The following EGFR variants were observed in gnomAD, a reference collection of about 807,000 sequenced individuals.
EGFR encodes epidermal growth factor receptor.
A neutral mutation model predicts 143.0 loss-of-function variants in EGFR; 58 were observed. The observed-to-expected ratio is 0.41, with a 90% CI of 0.33 to 0.50. The LOEUF is 0.50. Ranked by LOEUF, EGFR falls within the 20% of genes least tolerant of loss-of-function variation. The pLI is 0.39. For synonymous variants in EGFR, 613 were observed against 594.4 expected, an observed-to-expected ratio of 1.03 and a Z score of -0.45; for missense variants, 1,307 against 1,579.0, an observed-to-expected ratio of 0.83 and a Z score of 2.92.
chr7:55,193,084 G>A (rs1442878964), intron 22 of EGFR, among the ~76,000 whole-genome samples: 1 of 152,048 alleles, frequency 6.6e-6, no homozygotes, highest in African/African-American at 2.4e-5. Context: ...GGGGGGTATG[G>A]GAGGGAAAGA....
rs41396448 is a variant in EGFR at position 55,198,763 on chromosome 7, C to T, written c.2748C>T (p.Asp916=). 734 of 1,614,120 alleles carry T rather than the reference C, an allele frequency of 4.5e-4. 2 individuals are homozygous for T. The highest frequency in any genetic ancestry group is 2.5e-3 in the Middle Eastern group (15 of 6,062). The change falls in exon 23 of 28, where the codon GAC becomes GAT. Residue 916 remains aspartate (D), a synonymous_variant. Coordinates refer to ENST00000275493, the MANE Select transcript of EGFR (RefSeq NM_005228.5). ...ELMTFGSKPY[D]GIPASEISSI... ...TGACCTTTGGATCCAAGCCATATGA[C>T]GGAATCCCTGCCAGCGAGATCTCCT...
rs2128958596 is a variant in EGFR at position 55,181,362 on chromosome 7, A to G, written c.2353A>G (p.Thr785Ala). ...CCTGCTGGGCATCTGCCTCACCTCC[A>G]CCGTGCAGCTCATCACGCAGCTCAT... ...CRLLGICLTSTVQLITQLMPF... is the reference protein window; with the variant it reads ...CRLLGICLTSAVQLITQLMPF... The change falls in exon 20 of 28, where the codon ACC (threonine) becomes GCC (alanine). Residue 785 changes from threonine (T) to alanine (A), a missense_variant. By Grantham distance (58) the Thr-to-Ala change is moderately conservative. Around this residue, in one of 7 missense-constraint regions of EGFR, gnomAD observed 348 missense variants for 451.5 expected, o/e 0.77. Coordinates refer to ENST00000275493, the MANE Select transcript of EGFR (RefSeq NM_005228.5). The G allele has an allele frequency of 6.2e-7, 1 of 1,614,080 alleles. No individual in the cohort carries two copies. Among genetic ancestry groups the G allele is most frequent in the Admixed American group, 1.7e-5 (1 of 60,028 alleles).
At chr7:55,111,120 A>G (rs941413025) in intron 1 of EGFR, among the ~76,000 whole-genome samples, 1 of 152,188 alleles carries the variant, frequency 6.6e-6, no homozygotes, top group Admixed American at 6.5e-5. Context: ...CACTCTTCCC[A>G]AGAAACCCTG....
chr7:55,020,544 A>T (rs1363517005), intron 1 of EGFR, among the ~76,000 whole-genome samples: 2 of 145,292 alleles, frequency 1.4e-5, no homozygotes, highest in African/African-American at 5.1e-5. Flanking sequence ...GCCAACCAAA[A>T]TATTAAACCT....
chr7:55,150,159 C>T (rs533235282), intron 4 of EGFR, among the ~76,000 whole-genome samples: 14 of 152,280 alleles, frequency 9.2e-5, no homozygotes, highest in Non-Finnish European at 1.9e-4. Context: ...TTATTTTATA[C>T]AATGATTACA....
chr7:55,124,888 GCCATC>G (rs1451625153), intron 1 of EGFR, among the ~76,000 whole-genome samples: 1 of 152,212 alleles, frequency 6.6e-6, no homozygotes, highest in African/African-American at 2.4e-5. Context: ...CTGTAGCTAA[GCCATC>G]CCCAAGTTTG....
rs1788178380 is a variant in EGFR, at chr7:55,209,062, T to C, written c.*3445T>C. ...TTGCACTTGTGTAGGATGAAGCTGGTGGGTGATGGGAACTCAGCACCTCCC... is the reference window on the plus strand; with the variant it reads ...TTGCACTTGTGTAGGATGAAGCTGGCGGGTGATGGGAACTCAGCACCTCCC... On this transcript the variant is annotated 3_prime_UTR_variant, in exon 28 of 28. Coordinates refer to ENST00000275493, the MANE Select transcript of EGFR (RefSeq NM_005228.5). The C allele has an allele frequency of 6.6e-6, 1 of 152,020 alleles. No homozygotes were observed. The highest frequency in any genetic ancestry group is 6.6e-5 in the Admixed American group (1 of 15,266). 9.4% of individuals were successfully genotyped at this position (152,020 alleles called of 1,614,324 possible).
At chr7:55,109,777 G>T (rs1792354185) in intron 1 of EGFR, 1 of 985,384 alleles carries the variant, frequency 1.0e-6, no homozygotes, top group African/African-American at 1.7e-5. Flanking sequence ...GGGCCTGTCT[G>T]GTGTTTCAGC....
intron 18 of EGFR, among the ~76,000 whole-genome samples, chr7:55,174,454 A>T (rs1364774408): frequency 6.6e-6 from 1 of 152,148 alleles, no homozygotes; most frequent in Non-Finnish European, 1.5e-5. Flanking sequence ...TAAATTCTGG[A>T]TGAAATGATC....
At chr7:55,194,459 C>T (rs1171896501) in intron 22 of EGFR, among the ~76,000 whole-genome samples, 3 of 152,124 alleles carry the variant, frequency 2.0e-5, no homozygotes, top group East Asian at 1.9e-4. Flanking sequence ...AACTCCTGAC[C>T]TCATGATCTG....
chr7:55,196,162 A>G (rs1015070228), intron 22 of EGFR, among the ~76,000 whole-genome samples: 2 of 78,028 alleles, frequency 2.6e-5, no homozygotes, highest in African/African-American at 6.4e-5. Flanking sequence ...CCACAACCTC[A>G]CCAGCATGTG....
chr7:55,179,483 G>T (rs1371690378), intron 19 of EGFR, among the ~76,000 whole-genome samples: 1 of 152,188 alleles, frequency 6.6e-6, no homozygotes. Context: ...GGAGGAGGTG[G>T]GTTCTGGGGA....
At chr7:55,054,716 G>A (rs1562673202) in intron 1 of EGFR, among the ~76,000 whole-genome samples, 1 of 152,196 alleles carries the variant, frequency 6.6e-6, no homozygotes, top group African/African-American at 2.4e-5. Flanking sequence ...TGGACCCCTT[G>A]CGGGGCAGTG....
intron 1 of EGFR, among the ~76,000 whole-genome samples, chr7:55,049,069 C>T (rs1049093983): frequency 2.0e-5 from 3 of 152,136 alleles, no homozygotes; most frequent in Admixed American, 2.0e-4. Flanking sequence ...TAAATGGAAA[C>T]GCACATTTAG....
chr7:55,178,001 A>T (rs1185904335), intron 19 of EGFR, among the ~76,000 whole-genome samples: 1 of 152,050 alleles, frequency 6.6e-6, no homozygotes, highest in Non-Finnish European at 1.5e-5. Flanking sequence ...GGTCTATCAG[A>T]TGTTAGTAGG....
chr7:55,178,753 C>T (rs762229570), intron 19 of EGFR, among the ~76,000 whole-genome samples: 8 of 152,160 alleles, frequency 5.3e-5, no homozygotes, highest in Non-Finnish European at 1.2e-4. Flanking sequence ...AAAATTGTGG[C>T]ATTATCTTTA....
At chr7:55,019,902 G>C (rs1786433012) in intron 1 of EGFR, among the ~76,000 whole-genome samples, 1 of 152,124 alleles carries the variant, frequency 6.6e-6, no homozygotes, top group South Asian at 2.1e-4. Flanking sequence ...GGGACAGGCG[G>C]CTTTCTGAGA....
intron 1 of EGFR, among the ~76,000 whole-genome samples, chr7:55,036,300 A>T (rs1787581018): frequency 8.0e-6 from 1 of 124,664 alleles, no homozygotes; most frequent in South Asian, 2.7e-4. Context: ...GTGTGTGTGT[A>T]CCACTCTACC....
At chr7:55,041,300 A>G (rs1355909668) in intron 1 of EGFR, among the ~76,000 whole-genome samples, 1 of 152,154 alleles carries the variant, frequency 6.6e-6, no homozygotes, top group Non-Finnish European at 1.5e-5. Context: ...AATCCCAGCT[A>G]TTCGGGAGGC....
Sources: gnomAD v4.1 joint callset for allele counts (sites outside exome capture counted in the v4.1 genomes callset) on GRCh38, gnomAD v4.1.1 for gene constraint, gnomAD v4.1.1 regional missense constraint, MANE v1.5 for transcripts, NCBI Gene and HGNC (gene_info 2026-07-23, HGNC 2026-07-21) for gene names.